The following SHISA9 variants were observed in gnomAD, a reference collection of about 807,000 sequenced individuals.
The protein encoded by SHISA9 is shisa family member 9.
In SHISA9, 13 loss-of-function variants were observed where a neutral mutation model predicts 38.0. The observed-to-expected ratio is 0.34, with a 90% CI of 0.22 to 0.54. The LOEUF is 0.54. Ranked by LOEUF, SHISA9 falls within the 20% of genes least tolerant of loss-of-function variation. The pLI is 0.91. For missense variants in SHISA9, 538 were observed against 575.8 expected (o/e 0.93, Z 0.67); for synonymous variants, 275 against 242.0 (o/e 1.14, Z -1.27).
In SHISA9 at chr16:13,003,386, C is replaced by G. The variant is rs376994984; in HGVS notation, c.691+86571C>G. On this transcript the variant is annotated intron_variant, in intron 2 of 4. Transcript: ENST00000558583. ...GCCCTCGGAGACTTTGTTCTACTCT[C>G]CTACACTGTTTTCCTAAGCTCGCTG... Among the ~76,000 whole-genome samples, 6 of 152,194 alleles carry G rather than the reference C, an allele frequency of 3.9e-5. No individual in the cohort carries two copies. The East Asian group carries it at 5.8e-4, about 15-fold the overall frequency.
At chr16:13,326,051 A>G in the SHISA9 span, among the ~76,000 whole-genome samples, 1 of 150,970 alleles carries the variant, frequency 6.6e-6, no homozygotes, top group East Asian at 1.9e-4. Flanking sequence ...CATGTATCCC[A>G]GAACTTAAAG....
At chr16:13,439,460 A>G in the SHISA9 span, among the ~76,000 whole-genome samples, 1 of 152,298 alleles carries the variant, frequency 6.6e-6, no homozygotes, top group South Asian at 2.1e-4. Context: ...CATGTATCAA[A>G]TTGTTGGTTA....
chr16:12,932,299 TATTTA>T (rs1311757490), intron 2 of SHISA9, among the ~76,000 whole-genome samples: 1 of 152,202 alleles, frequency 6.6e-6, no homozygotes, highest in African/African-American at 2.4e-5. Flanking sequence ...AAATATATCT[TATTTA>T]ATTTACTTCA....
rs543128055 is a variant in SHISA9 at position 13,166,105 on chromosome 16, C to T, written c.692-37289C>T. Among the ~76,000 whole-genome samples, 59 of 152,292 alleles carry T rather than the reference C, an allele frequency of 3.9e-4. 1 individual carries two copies. The highest frequency in any genetic ancestry group is 6.8e-3 in the Middle Eastern group (2 of 294). ...GCATTTGATAGATGGTCTCTTTGAT[C>T]TCATCAATGTCTGTTTTATTAACTT... On this transcript the variant is annotated intron_variant, in intron 2 of 4. Coordinates refer to ENST00000558583, the MANE Select transcript of SHISA9 (RefSeq NM_001145204.3).
At chr16:13,442,517 A>G in the SHISA9 span, among the ~76,000 whole-genome samples, 114 of 152,304 alleles carry the variant, frequency 7.5e-4, no homozygotes, top group African/African-American at 2.7e-3. Flanking sequence ...CTTGTTGGCC[A>G]GGCTGGTCTC....
the SHISA9 span, among the ~76,000 whole-genome samples, chr16:13,542,051 G>C: frequency 1.3e-5 from 2 of 152,160 alleles, no homozygotes; most frequent in African/African-American, 4.8e-5. Flanking sequence ...ATAAGAGACA[G>C]ATAAAGACAC....
the SHISA9 span, among the ~76,000 whole-genome samples, chr16:13,257,275 C>T: frequency 6.5e-3 from 990 of 152,228 alleles, 4 homozygotes; most frequent in Non-Finnish European, 0.011. Flanking sequence ...GGAGATGCTG[C>T]GTAGGGTAAT....
intron 1 of SHISA9, among the ~76,000 whole-genome samples, chr16:12,913,822 C>T (rs528609412): frequency 7.9e-5 from 12 of 151,990 alleles, no homozygotes; most frequent in Admixed American, 2.6e-4. Flanking sequence ...GATTCATTTA[C>T]GTTGTAGCAG....
chr16:13,344,065 A>G, the SHISA9 span, among the ~76,000 whole-genome samples: 1 of 152,210 alleles, frequency 6.6e-6, no homozygotes, highest in African/African-American at 2.4e-5. Flanking sequence ...CAGCTTCACA[A>G]CCCATGACGG....
At chr16:12,945,824 G>A (rs1044315209) in intron 2 of SHISA9, among the ~76,000 whole-genome samples, 1 of 152,194 alleles carries the variant, frequency 6.6e-6, no homozygotes, top group South Asian at 2.1e-4. Context: ...GGCCAGGTGT[G>A]GTGGCTCACA....
chr16:13,203,412 A>T lies in SHISA9; in HGVS notation c.710A>T (p.Asn237Ile). 6.5e-7 allele frequency: 1 copy of T among 1,542,128 alleles called. No individual in the cohort carries two copies. Among genetic ancestry groups the T allele is most frequent in the Non-Finnish European group, 8.7e-7 (1 of 1,143,374 alleles). Residue 237 changes from asparagine to isoleucine, a missense_variant, in exon 3 of 5, where the codon AAC becomes ATC. Coordinates refer to ENST00000558583, the MANE Select transcript of SHISA9 (RefSeq NM_001145204.3). ...INNLHATQMN[N>I]AVPTSPLLQQ... is the part of the protein sequence containing the mutation. The stretch of plus-strand genomic sequence containing the variant: ...CTTCCAGATGCCACCCAGATGAACA[A>T]CGCAGTGCCCACCTCTCCTCTGCTC...
chr16:13,240,608 G>C (rs9928389), downstream of SHISA9, among the ~76,000 whole-genome samples: 23,539 of 152,152 alleles, frequency 0.15, 2,112 homozygotes, highest in South Asian at 0.28. Flanking sequence ...TGTTTGAAGC[G>C]TTTTTGGTAA....
At chr16:13,150,510 A>G (rs1195392377) in intron 2 of SHISA9, among the ~76,000 whole-genome samples, 1 of 152,180 alleles carries the variant, frequency 6.6e-6, no homozygotes, top group Non-Finnish European at 1.5e-5. Context: ...GGCTCACAAC[A>G]AACTCCAAGA....
intron 2 of SHISA9, among the ~76,000 whole-genome samples, chr16:12,959,845 A>G (rs531704602): frequency 1.3e-5 from 2 of 152,258 alleles, no homozygotes; most frequent in Admixed American, 1.3e-4. Context: ...CAGTTTCCGC[A>G]CTCTACATAT....
chr16:13,375,308 T>C, the SHISA9 span, among the ~76,000 whole-genome samples: 1 of 152,244 alleles, frequency 6.6e-6, no homozygotes, highest in East Asian at 1.9e-4. Flanking sequence ...GTTTTAGGTC[T>C]AACATTTAAG....
At chr16:13,407,209 G>T in the SHISA9 span, among the ~76,000 whole-genome samples, 1 of 151,994 alleles carries the variant, frequency 6.6e-6, no homozygotes, top group East Asian at 1.9e-4. Context: ...AGGCCAAGAA[G>T]TCCTAGATCA....
chr16:13,262,716 G>GAAA, the SHISA9 span, among the ~76,000 whole-genome samples: 3 of 131,954 alleles, frequency 2.3e-5, no homozygotes, highest in Non-Finnish European at 4.9e-5. Context: ...AAGGAAAGAA[G>GAAA]GAAGAGGCAG....
chr16:13,177,415 C>T (rs2050740521), intron 2 of SHISA9, among the ~76,000 whole-genome samples: 1 of 152,068 alleles, frequency 6.6e-6, no homozygotes, highest in South Asian at 2.1e-4. Context: ...GCCATCTGCT[C>T]AATAACAAAG....
chr16:13,302,405 G>A, the SHISA9 span, among the ~76,000 whole-genome samples: 2 of 152,076 alleles, frequency 1.3e-5, no homozygotes, highest in Non-Finnish European at 2.9e-5. Flanking sequence ...ACTCTGAAAG[G>A]CAAACGATGC....
Sources: gnomAD v4.1 joint callset for allele counts (sites outside exome capture counted in the v4.1 genomes callset) on GRCh38, gnomAD v4.1.1 for gene constraint, MANE v1.5 for transcripts, NCBI Gene and HGNC (gene_info 2026-07-23, HGNC 2026-07-21) for gene names.